Variants in TLN2 observed in about 807,000 individuals in gnomAD.
The protein encoded by TLN2 is talin 2, also known as talin-2.
Under a neutral mutation model 294.7 loss-of-function variants are expected in TLN2, and 118 were observed. The ratio of observed to expected loss-of-function variants is 0.40; its 90% confidence interval spans 0.34 to 0.47. TLN2 has a LOEUF of 0.47. Among genes scored for constraint, TLN2 ranks in the 20% least tolerant of loss-of-function variants. The pLI, the probability that TLN2 is intolerant of heterozygous loss-of-function variation, is 0.84. For synonymous variants in TLN2, 1,431 were observed against 1,304.5 expected (o/e 1.10, Z -2.09); for missense variants, 3,083 against 3,282.2 (o/e 0.94, Z 1.48).
chr15:62,409,210 C>G (rs1595741031), intron 1 of TLN2, among the ~76,000 whole-genome samples: 1 of 151,966 alleles, frequency 6.6e-6, no homozygotes, highest in East Asian at 1.9e-4. Flanking sequence ...TGAGCTCAAG[C>G]CTTCCGCCTG....
rs761562722 is a variant in TLN2, at chr15:62,796,305, T to G, written c.6050+12T>G. ...TTCGCAGACCACAGGTACGTGGGGG[T>G]CCTGGACGGGGAGAGGTTCAGGCTG... is the stretch of plus-strand genomic sequence containing the variant. On this transcript the variant is annotated intron_variant, in intron 47 of 58. Transcript: ENST00000636159. 9.9e-6 allele frequency: 16 copies of G among 1,608,194 alleles called. No individual in the cohort carries two copies. Among genetic ancestry groups the G allele is most frequent in the African/African-American group, 1.3e-5 (1 of 74,722 alleles).
At chr15:62,411,600 C>T (rs1434124678) in intron 1 of TLN2, among the ~76,000 whole-genome samples, 1 of 151,944 alleles carries the variant, frequency 6.6e-6, no homozygotes, top group Non-Finnish European at 1.5e-5. Context: ...GGGTTTTGCC[C>T]ATTGAGGTTG....
At chr15:62,664,857 C>CAAAAAATAAAAA (rs2054368179) in intron 9 of TLN2, among the ~76,000 whole-genome samples, 1 of 29,212 alleles carries the variant, frequency 3.4e-5, no homozygotes, top group Non-Finnish European at 6.0e-5. Context: ...GAAACTGTCT[C>CAAAAAATAAAAA]AAAAAAAAAA....
intron 1 of TLN2, among the ~76,000 whole-genome samples, chr15:62,548,405 C>G (rs1003516876): frequency 6.6e-6 from 1 of 152,106 alleles, no homozygotes; most frequent in Non-Finnish European, 1.5e-5. Context: ...GACAGAAACC[C>G]CAAATTGGCT....
At chr15:62,732,360 A>G (rs550690794) in intron 28 of TLN2, among the ~76,000 whole-genome samples, 2 of 152,326 alleles carry the variant, frequency 1.3e-5, no homozygotes, top group African/African-American at 2.4e-5. Context: ...AGGCAGTTGC[A>G]TAAGTGAGCA....
chr15:62,492,402 C>CA (rs1433184166), intron 1 of TLN2, among the ~76,000 whole-genome samples: 1 of 151,880 alleles, frequency 6.6e-6, no homozygotes, highest in East Asian at 1.9e-4. Context: ...AATAAAAATA[C>CA]AAAAAAATTA....
At chr15:62,410,112 T>TTA (rs1566949982) in intron 1 of TLN2, among the ~76,000 whole-genome samples, 9 of 151,874 alleles carry the variant, frequency 5.9e-5, no homozygotes, top group Non-Finnish European at 1.3e-4. Context: ...CGTGGTGGTG[T>TTA]GCGCCTGTAA....
intron 51 of TLN2, among the ~76,000 whole-genome samples, chr15:62,808,564 GC>G (rs201813758): frequency 0.011 from 1,602 of 152,204 alleles, 13 homozygotes; most frequent in Middle Eastern, 0.065. Flanking sequence ...CGGTTACAGA[GC>G]CCCCAGCAGT....
intron 1 of TLN2, among the ~76,000 whole-genome samples, chr15:62,576,383 C>T (rs958133951): frequency 6.6e-6 from 1 of 152,146 alleles, no homozygotes; most frequent in African/African-American, 2.4e-5. Flanking sequence ...TAGAGGAGCA[C>T]TGTCTACTTT....
intron 1 of TLN2, among the ~76,000 whole-genome samples, chr15:62,585,986 G>T (rs2045568288): frequency 6.6e-6 from 1 of 152,182 alleles, no homozygotes; most frequent in South Asian, 2.1e-4. Flanking sequence ...CCTCACAGCT[G>T]CCCTTGGCAT....
At chr15:62,454,879 A>T (rs1274052909) in intron 1 of TLN2, among the ~76,000 whole-genome samples, 1 of 151,966 alleles carries the variant, frequency 6.6e-6, no homozygotes, top group Admixed American at 6.6e-5. Flanking sequence ...CCTTCTGCTG[A>T]CCCTGTGACA....
At position 62,719,970 on chromosome 15, in the gene TLN2, G is replaced by A. The variant is rs1595779378; in HGVS notation, c.2991+90G>A. On this transcript the variant is annotated intron_variant, in intron 25 of 58. Transcript: ENST00000636159. ...AGGAGAGGAGTTAATGAATTCCACAGCCTCAGCTAAGTCTTTGCGGTAGGC... is the reference window on the plus strand; with the variant it reads ...AGGAGAGGAGTTAATGAATTCCACAACCTCAGCTAAGTCTTTGCGGTAGGC... The A allele has an allele frequency of 8.1e-6, 8 of 984,142 alleles. No homozygotes were observed. The East Asian group carries it at 2.3e-4, about 28-fold the overall frequency. The allele number at this position is 984,142 out of a possible 1,614,324, so 61.0% of individuals were successfully genotyped here.
chr15:62,805,183 G>A (rs118117348), intron 50 of TLN2, among the ~76,000 whole-genome samples: 3,249 of 152,002 alleles, frequency 0.021, 63 homozygotes, highest in Admixed American at 0.035. Flanking sequence ...TGAGTGATGG[G>A]GCCAGGTCAG....
At chr15:62,446,827 A>T (rs990570870) in intron 1 of TLN2, among the ~76,000 whole-genome samples, 1 of 152,222 alleles carries the variant, frequency 6.6e-6, no homozygotes, top group Non-Finnish European at 1.5e-5. Context: ...TGAATATTCT[A>T]CTTAAGATAA....
chr15:62,704,940 T>A (rs2058961427), intron 19 of TLN2, among the ~76,000 whole-genome samples: 1 of 152,220 alleles, frequency 6.6e-6, no homozygotes, highest in Non-Finnish European at 1.5e-5. Context: ...ACGTAGTCAT[T>A]TATGTTCCCC....
intron 54 of TLN2, chr15:62,829,689 A>AATT (rs2068586627): frequency 6.6e-6 from 1 of 152,194 alleles, no homozygotes; most frequent in East Asian, 1.9e-4. Flanking sequence ...TAAAATGTAC[A>AATT]ATTAAGTTAT....
chr15:62,692,782 C>G, intron 12 of TLN2, 58 bp from the exon 13 acceptor site: 1 of 1,378,038 alleles, frequency 7.3e-7, no homozygotes, highest in Non-Finnish European at 1.0e-6. Context: ...GACCTGCTAG[C>G]CTTTAAAATG....
At chr15:62,472,027 C>G (rs1280217689) in intron 1 of TLN2, among the ~76,000 whole-genome samples, 2 of 152,168 alleles carry the variant, frequency 1.3e-5, no homozygotes, top group Non-Finnish European at 1.5e-5. Context: ...CAATATCTTA[C>G]CTTGGGATAG....
At chr15:62,616,644 A>G (rs1258324095) in intron 2 of TLN2, among the ~76,000 whole-genome samples, 1 of 152,164 alleles carries the variant, frequency 6.6e-6, no homozygotes, top group African/African-American at 2.4e-5. Flanking sequence ...CTAGGCTCCT[A>G]GTCATGGTGT....
Sources: gnomAD v4.1 joint callset for allele counts (sites outside exome capture counted in the v4.1 genomes callset) on GRCh38, gnomAD v4.1.1 for gene constraint, MANE v1.5 for transcripts, NCBI Gene and HGNC (gene_info 2026-07-23, HGNC 2026-07-21) for gene names.